Variants in MAML2 observed in about 807,000 individuals in gnomAD.
The protein encoded by MAML2 is mastermind like transcriptional coactivator 2.
MAML2 carries 22 observed loss-of-function variants against 96.1 expected under a neutral mutation model. That is an observed-to-expected ratio of 0.23 (90% CI 0.16 to 0.33). The LOEUF (loss-of-function observed/expected upper bound fraction) is 0.33. Among genes scored for constraint, MAML2 ranks in the 10% least tolerant of loss-of-function variants. MAML2 has a pLI of 1.00. For synonymous variants in MAML2, 561 were observed against 521.3 expected (o/e 1.08, Z -1.04); for missense variants, 1,367 against 1,392.4 (o/e 0.98, Z 0.29).
At chr11:96,337,305 A>T (rs1863933511) in intron 1 of MAML2, among the ~76,000 whole-genome samples, 1 of 152,226 alleles carries the variant, frequency 6.6e-6, no homozygotes, top group Non-Finnish European at 1.5e-5. Context: ...TCCCACTTAC[A>T]GCTCTCAACT....
intron 2 of MAML2, among the ~76,000 whole-genome samples, chr11:96,059,741 G>A (rs1366178746): frequency 1.3e-5 from 2 of 152,168 alleles, no homozygotes; most frequent in East Asian, 3.8e-4. Flanking sequence ...TTGAGATCTT[G>A]AAGCATTTTG....
At chr11:96,100,131 C>A (rs1019320408) in intron 1 of MAML2, among the ~76,000 whole-genome samples, 2 of 152,206 alleles carry the variant, frequency 1.3e-5, no homozygotes, top group South Asian at 4.1e-4. Context: ...GAAGCCCCAT[C>A]TGGACTCCAT....
chr11:96,153,875 C>T (rs1234157397), intron 1 of MAML2, among the ~76,000 whole-genome samples: 1 of 151,934 alleles, frequency 6.6e-6, no homozygotes, highest in East Asian at 1.9e-4. Context: ...CGCATCACTG[C>T]ACTCCAGCTC....
intron 1 of MAML2, among the ~76,000 whole-genome samples, chr11:96,196,226 T>C (rs533581528): frequency 6.6e-6 from 1 of 152,326 alleles, no homozygotes; most frequent in African/African-American, 2.4e-5. Context: ...AATGAGATCA[T>C]TGTTCGTGTG....
At chr11:96,212,791 A>G (rs1285896414) in intron 1 of MAML2, among the ~76,000 whole-genome samples, 1 of 152,240 alleles carries the variant, frequency 6.6e-6, no homozygotes, top group Non-Finnish European at 1.5e-5. Flanking sequence ...TCCTTCTGAC[A>G]TAAAGGAGCA....
At chr11:96,250,212 T>C (rs538865719) in intron 1 of MAML2, among the ~76,000 whole-genome samples, 59 of 152,272 alleles carry the variant, frequency 3.9e-4, no homozygotes, top group Non-Finnish European at 7.9e-4. Context: ...ACAAATTATC[T>C]GCTTTTCTTT....
Position 96,214,303 on chromosome 11 carries a change from C to T in MAML2, c.514-120786G>A, listed in dbSNP as rs556845466. 9.2e-5 allele frequency among the ~76,000 whole-genome samples: 14 copies of T among 152,258 alleles called. No individual in the cohort carries two copies. The East Asian group carries it at 2.3e-3, about 25-fold the overall frequency. ...TTGTGGAGAAAACGTTTTTGAGTCA[C>T]GAAATTCTGGATTCAAATCTTAGCA... On this transcript the variant is annotated intron_variant, in intron 1 of 4. Transcript: ENST00000524717.
At chr11:96,283,422 A>T (rs1339139234) in intron 1 of MAML2, among the ~76,000 whole-genome samples, 1 of 152,252 alleles carries the variant, frequency 6.6e-6, no homozygotes, top group Non-Finnish European at 1.5e-5. Flanking sequence ...AAGAATATCA[A>T]GAAACCATGA....
At chr11:96,192,460 T>G (rs1297149304) in intron 1 of MAML2, among the ~76,000 whole-genome samples, 1 of 152,158 alleles carries the variant, frequency 6.6e-6, no homozygotes, top group East Asian at 1.9e-4. Flanking sequence ...GGGACACAGA[T>G]TTCTTAAATG....
At chr11:96,246,786 A>G (rs1183782413) in intron 1 of MAML2, among the ~76,000 whole-genome samples, 2 of 152,128 alleles carry the variant, frequency 1.3e-5, no homozygotes, top group Non-Finnish European at 2.9e-5. Flanking sequence ...TCAATGTAAT[A>G]TATACAGTTT....
rs367834267 is a variant in MAML2 at position 96,120,754 on chromosome 11, A to C, written c.514-27237T>G. Among the ~76,000 whole-genome samples the C allele has an allele frequency of 7.9e-5, 12 of 152,274 alleles. 1 individual carries two copies. The highest frequency in any genetic ancestry group is 5.8e-4 in the East Asian group (3 of 5,188). ...AACCTTCTGAATTAGAATATCGGCC[A>C]AGTGGGGACCAAGAATTGTATTTTT... On this transcript the variant is annotated intron_variant, in intron 1 of 4. Coordinates refer to ENST00000524717, the MANE Select transcript of MAML2 (RefSeq NM_032427.4).
rs35327027 is a variant in MAML2, at chr11:96,184,591, C to CTT, written c.514-91076_514-91075dup. ...AGCAACTCTGAATATAGTCATTTTA[C>CTT]TTTTTTTTTTTTTTTTTGAGATGAG... On this transcript the variant is annotated intron_variant, in intron 1 of 4. Coordinates refer to ENST00000524717, the MANE Select transcript of MAML2 (RefSeq NM_032427.4). Among the ~76,000 whole-genome samples the CTT allele has an allele frequency of 4.6e-3, 587 of 128,192 alleles. 9 individuals carry two copies. Among genetic ancestry groups the CTT allele is most frequent in the South Asian group, 0.013 (52 of 3,996 alleles). 84.1% of individuals were successfully genotyped at this position (128,192 alleles called of 152,430 possible).
At chr11:96,057,481 T>A (rs1416185104) in intron 2 of MAML2, among the ~76,000 whole-genome samples, 1 of 152,210 alleles carries the variant, frequency 6.6e-6, no homozygotes, top group Non-Finnish European at 1.5e-5. Context: ...TGTCGAGTCC[T>A]AATCTAGACC....
intron 1 of MAML2, among the ~76,000 whole-genome samples, chr11:96,258,535 C>A (rs183263647): frequency 6.7e-4 from 102 of 152,292 alleles, no homozygotes; most frequent in Non-Finnish European, 1.2e-3. Context: ...CTGTGATTTG[C>A]AATGGGCTTC....
At chr11:96,150,699 T>C (rs1860905371) in intron 1 of MAML2, among the ~76,000 whole-genome samples, 1 of 152,144 alleles carries the variant, frequency 6.6e-6, no homozygotes, top group South Asian at 2.1e-4. Flanking sequence ...TATTAAGCCC[T>C]GAAAATTTGA....
At chr11:96,105,334 A>AT (rs1416944819) in intron 1 of MAML2, among the ~76,000 whole-genome samples, 1 of 152,200 alleles carries the variant, frequency 6.6e-6, no homozygotes, top group Non-Finnish European at 1.5e-5. Flanking sequence ...TGGAGATTAC[A>AT]TCTCCACCAA....
chr11:96,304,692 T>A (rs1007560437), intron 1 of MAML2, among the ~76,000 whole-genome samples: 2 of 152,184 alleles, frequency 1.3e-5, no homozygotes, highest in Admixed American at 6.5e-5. Context: ...AAGTAATGAA[T>A]GTATTCATAT....
Position 96,093,526 on chromosome 11 carries a change from C to T in MAML2, c.514-9G>A. On this transcript the variant is annotated splice_polypyrimidine_tract_variant and intron_variant, in intron 1 of 4. Transcript: ENST00000524717. ...TTCAAGGAACCCTGGAGCTGAAAGA[C>T]AGAAGGGAATAAAAAGGAAAAATAA... 1 of 1,551,120 alleles carries T rather than the reference C, an allele frequency of 6.4e-7. No individual in the cohort carries two copies. Among genetic ancestry groups the T allele is most frequent in the Non-Finnish European group, 8.7e-7 (1 of 1,144,832 alleles).
chr11:96,244,175 C>T (rs1042963997), intron 1 of MAML2, among the ~76,000 whole-genome samples: 1 of 152,224 alleles, frequency 6.6e-6, no homozygotes, highest in African/African-American at 2.4e-5. Flanking sequence ...AATATTATTA[C>T]CCCTTTTGAG....
Sources: gnomAD v4.1 joint callset for allele counts (sites outside exome capture counted in the v4.1 genomes callset) on GRCh38, gnomAD v4.1.1 for gene constraint, MANE v1.5 for transcripts, NCBI Gene and HGNC (gene_info 2026-07-23, HGNC 2026-07-21) for gene names.